The following COBLL1 variants were observed in gnomAD, a reference collection of about 807,000 sequenced individuals.
COBLL1 encodes cordon-bleu protein-like 1.
COBLL1 carries 50 observed loss-of-function variants against 94.8 expected under a neutral mutation model. The observed-to-expected ratio is 0.53, with a 90% CI of 0.42 to 0.67. The LOEUF is 0.67. COBLL1 is among the 30% of genes least tolerant of loss of function. COBLL1 has a pLI of 0.00. For missense variants in COBLL1, 1,362 were observed against 1,348.7 expected (o/e 1.01, Z -0.15); for synonymous variants, 448 against 473.8 (o/e 0.95, Z 0.71).
chr2:164,664,529 A>T lies in COBLL1; in HGVS notation n.181+1318T>A, dbSNP rs139092970. Among the ~76,000 whole-genome samples, 627 of 152,344 alleles carry T rather than the reference A, an allele frequency of 4.1e-3. 3 individuals are homozygous for T. The highest frequency in any genetic ancestry group is 0.014 in the African/African-American group (595 of 41,580). Reference sequence around the variant, plus strand: ...TCAAAAAATAAATCAACAGCCACACAAAATGAGGGATAATCAATCATTGCA... The same window carrying T: ...TCAAAAAATAAATCAACAGCCACACTAAATGAGGGATAATCAATCATTGCA... On this transcript the variant is annotated intron_variant and non_coding_transcript_variant, in intron 2 of 2. Coordinates refer to the COBLL1 transcript ENST00000495084.
At chr2:164,796,992 A>G (rs1484119143) in intron 2 of COBLL1, among the ~76,000 whole-genome samples, 1 of 152,202 alleles carries the variant, frequency 6.6e-6, no homozygotes, top group Non-Finnish European at 1.5e-5. Flanking sequence ...ATTTTTAAAG[A>G]GAAGAGAAAG....
chr2:164,659,983 T>A (rs1199216901), intron 2 of COBLL1, among the ~76,000 whole-genome samples: 2 of 152,086 alleles, frequency 1.3e-5, no homozygotes, highest in Non-Finnish European at 2.9e-5. Context: ...TCATTCAGAG[T>A]CAATAGCTTG....
At chr2:164,725,101 G>GATAGATATATATATAT (rs1685647456) in intron 5 of COBLL1, 3 of 76,298 alleles carry the variant, frequency 3.9e-5, no homozygotes, top group African/African-American at 1.7e-4. Context: ...TACCCTGCAG[G>GATAGATATATATATAT]ATATATATAT....
chr2:164,779,660 G>A (rs944684273), intron 2 of COBLL1: 4 of 470,706 alleles, frequency 8.5e-6, no homozygotes, highest in Admixed American at 2.4e-5. Flanking sequence ...GTCACCTTAC[G>A]GCAGGGATAT....
chr2:164,743,638 T>C (rs1223681181), intron 3 of COBLL1, 49 bp downstream of exon 3: 3 of 1,411,542 alleles, frequency 2.1e-6, no homozygotes, highest in Admixed American at 3.4e-5. Flanking sequence ...AGACTTTCAA[T>C]GGTGGAATAA....
chr2:164,790,813 C>T (rs538392552), intron 2 of COBLL1, among the ~76,000 whole-genome samples: 11 of 152,298 alleles, frequency 7.2e-5, no homozygotes, highest in African/African-American at 1.2e-4. Flanking sequence ...ACATGGTTTA[C>T]ATAATACACC....
rs10563101 is a variant in COBLL1 at position 164,714,154 on chromosome 2, AACACACACAC to A, written c.996+7911_996+7920del. ...CCCTTGTCTAGGCACAATAGAAAGA[AACACACACAC>A]ACACACACACACACACATTAAAAAA... On this transcript the variant is annotated intron_variant, in intron 7 of 13. Transcript: ENST00000652658. 2.8e-3 allele frequency among the ~76,000 whole-genome samples: 419 copies of A among 148,474 alleles called. 1 individual carries two copies. Among genetic ancestry groups the A allele is most frequent in the Middle Eastern group, 0.017 (5 of 290 alleles).
chr2:164,728,243 C>T lies in COBLL1; in HGVS notation c.433-46G>A, dbSNP rs1373642868. ...ATAGTTGTACCATAATTCACTGAAA[C>T]AAACACTCTACAATAATGTCTAGAA... On this transcript the variant is annotated intron_variant, in intron 4 of 13. Coordinates refer to ENST00000652658, the MANE Select transcript of COBLL1 (RefSeq NM_001365672.2). 5.9e-6 allele frequency: 7 copies of T among 1,181,752 alleles called. No individual in the cohort carries two copies. In the South Asian group the frequency reaches 8.7e-5, roughly 15 times the overall value. 73.2% of individuals were successfully genotyped at this position (1,181,752 alleles called of 1,614,324 possible).
intron 7 of COBLL1, among the ~76,000 whole-genome samples, chr2:164,717,221 T>C (rs1411141178): frequency 1.3e-5 from 2 of 152,198 alleles, no homozygotes; most frequent in Non-Finnish European, 2.9e-5. Flanking sequence ...TGTGGTTTAT[T>C]TTGTATCCTG....
chr2:164,671,633 AGAG>A (rs1171535879), intron 1 of COBLL1, among the ~76,000 whole-genome samples: 1 of 152,204 alleles, frequency 6.6e-6, no homozygotes, highest in Non-Finnish European at 1.5e-5. Context: ...GAGATTAAAC[AGAG>A]GAGAATGTGG....
At chr2:164,742,262 C>A (rs1411366595) in intron 3 of COBLL1, among the ~76,000 whole-genome samples, 1 of 151,936 alleles carries the variant, frequency 6.6e-6, no homozygotes, top group Non-Finnish European at 1.5e-5. Context: ...ATGACTGTTA[C>A]ATCCCTAAGA....
chr2:164,828,257 G>A (rs1375484684), intron 2 of COBLL1, among the ~76,000 whole-genome samples: 2 of 152,064 alleles, frequency 1.3e-5, no homozygotes, highest in Non-Finnish European at 2.9e-5. Flanking sequence ...TTGTTTCTAG[G>A]TATATGTGGA....
chr2:164,787,380 T>C (rs1042812415), intron 2 of COBLL1, among the ~76,000 whole-genome samples: 1 of 152,162 alleles, frequency 6.6e-6, no homozygotes, highest in African/African-American at 2.4e-5. Flanking sequence ...CTGATACAAC[T>C]GAAATTTACT....
At chr2:164,774,649 T>C (rs1055754979) in intron 2 of COBLL1, among the ~76,000 whole-genome samples, 2 of 152,196 alleles carry the variant, frequency 1.3e-5, no homozygotes, top group African/African-American at 4.8e-5. Context: ...GAACTGTGAC[T>C]GGCACTTGCT....
At chr2:164,810,431 G>A (rs1368787529) in intron 2 of COBLL1, among the ~76,000 whole-genome samples, 6 of 151,338 alleles carry the variant, frequency 4.0e-5, no homozygotes, top group African/African-American at 1.2e-4. Flanking sequence ...CTAAATGAAT[G>A]ACATAGCAAA....
chr2:164,692,671 T>C (rs895516273), intron 12 of COBLL1: 2 of 257,080 alleles, frequency 7.8e-6, no homozygotes, highest in Non-Finnish European at 1.5e-5. Context: ...TTATTGTTCT[T>C]GAGTTAAATA....
At chr2:164,744,916 A>G (rs962415010) in intron 2 of COBLL1, among the ~76,000 whole-genome samples, 9 of 152,370 alleles carry the variant, frequency 5.9e-5, no homozygotes, top group Non-Finnish European at 1.3e-4. Context: ...GATTGAAAAA[A>G]TAAAATATGA....
intron 2 of COBLL1, among the ~76,000 whole-genome samples, chr2:164,796,780 C>T (rs1683483639): frequency 6.7e-6 from 1 of 149,610 alleles, no homozygotes. Flanking sequence ...TTGAGATCAG[C>T]CTGGGCAACA....
chr2:164,712,840 G>A (rs977315479), intron 7 of COBLL1, among the ~76,000 whole-genome samples: 7 of 151,910 alleles, frequency 4.6e-5, no homozygotes, highest in Admixed American at 6.6e-5. Context: ...TAATGATGAG[G>A]AAAAAAATCA....
Sources: allele counts gnomAD v4.1 joint callset (sites outside exome capture counted in the v4.1 genomes callset), GRCh38; gene constraint gnomAD v4.1.1; transcripts MANE v1.5; gene names NCBI Gene and HGNC (gene_info 2026-07-23, HGNC 2026-07-21).